BABAM2: variants seen among roughly 807,000 people sequenced by gnomAD.
BABAM2 encodes BRISC and BRCA1-A complex member 2.
In BABAM2, 31 loss-of-function variants were observed where a neutral mutation model predicts 54.7. The observed-to-expected ratio is 0.57, with a 90% CI of 0.43 to 0.77. The LOEUF (loss-of-function observed/expected upper bound fraction) is 0.77, where lower values mean the gene tolerates loss of function less well. Ranked by LOEUF, BABAM2 falls within the 30% of genes least tolerant of loss-of-function variation. The pLI is 0.00. For synonymous variants in BABAM2, 167 were observed against 162.9 expected, an observed-to-expected ratio of 1.03 and a Z score of -0.19; for missense variants, 364 against 455.8, an observed-to-expected ratio of 0.80 and a Z score of 1.83.
At chr2:28,005,111 A>G (rs1221762972) in intron 4 of BABAM2, among the ~76,000 whole-genome samples, 1 of 152,212 alleles carries the variant, frequency 6.6e-6, no homozygotes, top group Non-Finnish European at 1.5e-5. Context: ...AAAAGAGATA[A>G]CTATTTCAAA....
At chr2:28,282,154 G>A (rs1686413545) in intron 10 of BABAM2, among the ~76,000 whole-genome samples, 1 of 152,178 alleles carries the variant, frequency 6.6e-6, no homozygotes, top group Admixed American at 6.5e-5. Context: ...ACAGAAGTGA[G>A]CAACAGTGTC....
At chr2:28,303,292 CTA>C (rs1275870923) in intron 11 of BABAM2, among the ~76,000 whole-genome samples, 4 of 152,074 alleles carry the variant, frequency 2.6e-5, no homozygotes, top group Admixed American at 2.0e-4. Flanking sequence ...AGAAATTATC[CTA>C]TGTTTTCTTC....
At chr2:27,920,540 C>G (rs1667274983) in intron 2 of BABAM2, among the ~76,000 whole-genome samples, 1 of 151,888 alleles carries the variant, frequency 6.6e-6, no homozygotes, top group South Asian at 2.1e-4. Flanking sequence ...TAATATGTGA[C>G]TTTTTTTTAA....
chr2:27,999,512 A>T (rs1673421452), intron 4 of BABAM2, among the ~76,000 whole-genome samples: 1 of 152,230 alleles, frequency 6.6e-6, no homozygotes. Context: ...GTAGAATTGT[A>T]AGGGGTTTAG....
At chr2:27,945,315 T>A (rs1164486388) in intron 3 of BABAM2, among the ~76,000 whole-genome samples, 1 of 152,108 alleles carries the variant, frequency 6.6e-6, no homozygotes, top group Non-Finnish European at 1.5e-5. Flanking sequence ...AGGCATGAGC[T>A]ACCATGCCTG....
At chr2:28,323,535 C>A (rs1377176610) in intron 11 of BABAM2, among the ~76,000 whole-genome samples, 1 of 152,182 alleles carries the variant, frequency 6.6e-6, no homozygotes, top group Non-Finnish European at 1.5e-5. Flanking sequence ...GAAACCATCC[C>A]CTCACTTTGC....
chr2:28,217,026 A>G (rs1245571332), intron 7 of BABAM2, among the ~76,000 whole-genome samples: 2 of 152,118 alleles, frequency 1.3e-5, no homozygotes, highest in Non-Finnish European at 2.9e-5. Flanking sequence ...ATTTATTTCC[A>G]CAGAGAGGCT....
At chr2:28,079,558 A>G (rs1322766306) in intron 6 of BABAM2, among the ~76,000 whole-genome samples, 5 of 152,198 alleles carry the variant, frequency 3.3e-5, no homozygotes, top group South Asian at 2.1e-4. Flanking sequence ...GTAAATAAGC[A>G]TATTATTTCA....
intron 7 of BABAM2, among the ~76,000 whole-genome samples, chr2:28,193,416 A>T (rs1558423563): frequency 6.6e-6 from 1 of 152,102 alleles, no homozygotes; most frequent in Non-Finnish European, 1.5e-5. Flanking sequence ...TCTGGCTCTG[A>T]CGCTTAATAA....
At chr2:28,309,847 C>T (rs1031625622) in intron 11 of BABAM2, 9 of 502,080 alleles carry the variant, frequency 1.8e-5, no homozygotes, top group East Asian at 9.8e-5. Context: ...TCAGAGCCCC[C>T]GAGAAGACAA....
chr2:28,053,215 T>C (rs1573481607), intron 6 of BABAM2, among the ~76,000 whole-genome samples: 1 of 152,320 alleles, frequency 6.6e-6, no homozygotes, highest in East Asian at 1.9e-4. Context: ...ATTAAATAAC[T>C]CCTCTGAATT....
At chr2:27,913,735 C>G (rs2148312059) in intron 2 of BABAM2, among the ~76,000 whole-genome samples, 1 of 152,234 alleles carries the variant, frequency 6.6e-6, no homozygotes, top group East Asian at 1.9e-4. Context: ...ATACAATCTT[C>G]TTTTGTAAAC....
intron 7 of BABAM2, among the ~76,000 whole-genome samples, chr2:28,221,813 T>A (rs979957556): frequency 6.6e-6 from 1 of 152,224 alleles, no homozygotes; most frequent in Non-Finnish European, 1.5e-5. Flanking sequence ...GCCCAATCTC[T>A]GTTTCAAGTC....
chr2:28,181,335 A>G (rs1180322866), intron 7 of BABAM2, among the ~76,000 whole-genome samples: 1 of 151,948 alleles, frequency 6.6e-6, no homozygotes, highest in Non-Finnish European at 1.5e-5. Flanking sequence ...GCAACATGGA[A>G]CTGCAGGTTA....
intron 4 of BABAM2, among the ~76,000 whole-genome samples, chr2:28,014,429 C>T (rs1674644851): frequency 2.0e-5 from 3 of 152,052 alleles, no homozygotes; most frequent in Admixed American, 1.3e-4. Context: ...CATGTTTTAC[C>T]GGCATACATT....
intron 6 of BABAM2, among the ~76,000 whole-genome samples, chr2:28,070,535 T>A (rs1664027850): frequency 6.7e-6 from 1 of 149,998 alleles, no homozygotes; most frequent in Non-Finnish European, 1.5e-5. Flanking sequence ...ACTGCTGCAG[T>A]CTTTGAAGTA....
chr2:27,922,596 A>G (rs1451993734), intron 2 of BABAM2, among the ~76,000 whole-genome samples: 1 of 152,210 alleles, frequency 6.6e-6, no homozygotes, highest in Non-Finnish European at 1.5e-5. Context: ...ACTTTAAAAT[A>G]GTGCATTCCT....
At chr2:28,335,107 A>C (rs1030906380) in intron 11 of BABAM2, among the ~76,000 whole-genome samples, 1 of 150,390 alleles carries the variant, frequency 6.6e-6, no homozygotes, top group African/African-American at 2.5e-5. Flanking sequence ...CTTAGTACCT[A>C]AATATTGTAC....
At chr2:28,323,348 C>G (rs932272050) in intron 11 of BABAM2, among the ~76,000 whole-genome samples, 4 of 152,032 alleles carry the variant, frequency 2.6e-5, no homozygotes, top group Non-Finnish European at 5.9e-5. Flanking sequence ...TGCAGCACCT[C>G]TGATGATGCT....
Sources: allele counts gnomAD v4.1 joint callset (sites outside exome capture counted in the v4.1 genomes callset), GRCh38; gene constraint gnomAD v4.1.1; transcripts MANE v1.5; gene names NCBI Gene and HGNC (gene_info 2026-07-23, HGNC 2026-07-21).